ZNF423: variants seen among roughly 807,000 people sequenced by gnomAD.
ZNF423 encodes zinc finger protein 423.
Under a neutral mutation model 95.8 loss-of-function variants are expected in ZNF423, and 12 were observed. The observed-to-expected ratio is 0.13, with a 90% confidence interval of 0.08 to 0.20. ZNF423 has a LOEUF of 0.20. ZNF423 is among the 10% of genes least tolerant of loss of function. ZNF423 has a pLI of 1.00. For synonymous variants in ZNF423, 749 were observed against 711.9 expected (o/e 1.05, Z -0.83); for missense variants, 1,316 against 1,737.1 (o/e 0.76, Z 4.31).
chr16:49,842,291 G>A (rs1485431872), intron 1 of ZNF423, among the ~76,000 whole-genome samples: 3 of 54,600 alleles, frequency 5.5e-5, no homozygotes, highest in African/African-American at 2.2e-4. Flanking sequence ...GGGGAGGGGA[G>A]GGGAGGGGAG....
In ZNF423 at chr16:49,697,839, G is replaced by A. The variant is rs191827086; in HGVS notation, c.301+32932C>T. ...GTGCGGGCAGGCGGCATGAGCCCGCGGTGATGCGAATCAGCCTTAACCAGC... is the reference window on the plus strand; with the variant it reads ...GTGCGGGCAGGCGGCATGAGCCCGCAGTGATGCGAATCAGCCTTAACCAGC... On this transcript the variant is annotated intron_variant, in intron 3 of 7. Coordinates refer to ENST00000563137, the MANE Select transcript of ZNF423 (RefSeq NM_001379286.1). Among the ~76,000 whole-genome samples, 43 of 152,394 alleles carry A rather than the reference G, an allele frequency of 2.8e-4. 1 individual carries two copies. The East Asian group carries it at 7.5e-3, about 27-fold the overall frequency.
chr16:49,783,492 T>A (rs573233946), intron 2 of ZNF423, among the ~76,000 whole-genome samples: 49 of 118,538 alleles, frequency 4.1e-4, no homozygotes, highest in Non-Finnish European at 6.9e-4. Flanking sequence ...GGGTTAGGGT[T>A]AGTAGCAGGC....
Position 49,555,730 on chromosome 16 carries a change from G to A in ZNF423, c.3602-30236C>T, listed in dbSNP as rs140677014. Among the ~76,000 whole-genome samples, 302 of 152,266 alleles carry A rather than the reference G, an allele frequency of 2.0e-3. 1 individual carries two copies. Among genetic ancestry groups the A allele is most frequent in the African/African-American group, 6.7e-3 (277 of 41,560 alleles). On this transcript the variant is annotated intron_variant, in intron 5 of 7. Coordinates refer to ENST00000563137, the MANE Select transcript of ZNF423 (RefSeq NM_001379286.1). ...TAGATGGAAGAATGAATGAGTGGGC[G>A]GATGGAAGGATAAGTGTATGGGTGA...
chr16:49,633,684 G>T (rs1190866352), intron 4 of ZNF423, among the ~76,000 whole-genome samples: 3 of 152,120 alleles, frequency 2.0e-5, no homozygotes, highest in African/African-American at 7.2e-5. Context: ...CCCTAGAAAG[G>T]CTGAGGGGGA....
At chr16:49,624,485 G>A (rs1159252879) in intron 5 of ZNF423, among the ~76,000 whole-genome samples, 1 of 152,108 alleles carries the variant, frequency 6.6e-6, no homozygotes, top group Non-Finnish European at 1.5e-5. Flanking sequence ...CCTGCGAGGC[G>A]GAGGTTGCAG....
rs201361462 is a variant in ZNF423 at position 49,590,029 on chromosome 16, A to AATATATATATATATATAT, written c.3601+36123_3601+36140dup. Among the ~76,000 whole-genome samples the AATATATATATATATATAT allele has an allele frequency of 1.3e-3, 122 of 97,576 alleles. 10 individuals carry two copies. Among genetic ancestry groups the AATATATATATATATATAT allele is most frequent in the South Asian group, 5.4e-3 (10 of 1,844 alleles). The allele number at this position is 97,576 out of a possible 152,430, so 64.0% of individuals were successfully genotyped here. On this transcript the variant is annotated intron_variant, in intron 5 of 7. Coordinates refer to ENST00000563137, the MANE Select transcript of ZNF423 (RefSeq NM_001379286.1). The stretch of plus-strand genomic sequence containing the variant: ...GGGATGGGGTAAAGGGGAAGTGGCG[A>AATATATATATATATATAT]ATATATATATATATATATATATTTG...
intron 2 of ZNF423, among the ~76,000 whole-genome samples, chr16:49,778,534 C>T (rs2034158947): frequency 8.5e-6 from 1 of 117,640 alleles, no homozygotes; most frequent in Non-Finnish European, 1.8e-5. Context: ...CTCCCACCAA[C>T]CCCCACCCCA....
intron 4 of ZNF423, among the ~76,000 whole-genome samples, chr16:49,630,601 C>T (rs538945921): frequency 3.9e-5 from 6 of 152,128 alleles, no homozygotes; most frequent in African/African-American, 9.6e-5. Flanking sequence ...CCAAGGATGG[C>T]GATTTGCTTG....
chr16:49,738,519 G>T (rs1037170709), intron 2 of ZNF423, among the ~76,000 whole-genome samples: 2 of 152,116 alleles, frequency 1.3e-5, no homozygotes, highest in Non-Finnish European at 2.9e-5. Context: ...TGGGGAGGCG[G>T]GGCTCACCTG....
chr16:49,718,304 G>A (rs182186686), intron 3 of ZNF423, among the ~76,000 whole-genome samples: 2 of 152,240 alleles, frequency 1.3e-5, no homozygotes, highest in Admixed American at 6.5e-5. Context: ...TACTCAGGAG[G>A]CTGAGGCAGG....
chr16:49,739,082 C>T (rs2033356176), intron 2 of ZNF423, among the ~76,000 whole-genome samples: 1 of 152,148 alleles, frequency 6.6e-6, no homozygotes, highest in African/African-American at 2.4e-5. Flanking sequence ...TGAAGCCAGC[C>T]TGTCTGGGTT....
intron 1 of ZNF423, among the ~76,000 whole-genome samples, chr16:49,821,520 C>T (rs1333145461): frequency 4.6e-5 from 7 of 152,002 alleles, no homozygotes; most frequent in Admixed American, 1.3e-4. Context: ...CACCTGGGCT[C>T]GAGGCGTGGT....
chr16:49,524,187 T>C (rs1018793970), intron 6 of ZNF423, among the ~76,000 whole-genome samples: 2 of 152,156 alleles, frequency 1.3e-5, no homozygotes, highest in African/African-American at 4.8e-5. Flanking sequence ...ATTATCCCCA[T>C]TTTATACAAG....
At chr16:49,804,336 T>C (rs1263128881) in intron 1 of ZNF423, among the ~76,000 whole-genome samples, 1 of 152,220 alleles carries the variant, frequency 6.6e-6, no homozygotes, top group Non-Finnish European at 1.5e-5. Flanking sequence ...GACAAAATCT[T>C]AAAAGTCCAT....
chr16:49,844,893 C>T (rs1426052774), intron 1 of ZNF423, among the ~76,000 whole-genome samples: 1 of 151,806 alleles, frequency 6.6e-6, no homozygotes, highest in African/African-American at 2.4e-5. Context: ...AAATTAGCCA[C>T]GTGTGGTGGC....
intron 3 of ZNF423, among the ~76,000 whole-genome samples, chr16:49,715,429 G>A (rs1243743964): frequency 1.3e-5 from 2 of 152,190 alleles, no homozygotes; most frequent in South Asian, 4.1e-4. Context: ...GAATGAGCAC[G>A]GCCTGTTGAC....
intron 2 of ZNF423, chr16:49,731,179 C>T (rs1567316569): frequency 5.7e-6 from 3 of 523,058 alleles, no homozygotes; most frequent in Non-Finnish European, 7.4e-6. Context: ...ATTCTTGGTG[C>T]AAATCTTCTA....
At chr16:49,686,753 C>A (rs1353507373) in intron 3 of ZNF423, among the ~76,000 whole-genome samples, 1 of 30,368 alleles carries the variant, frequency 3.3e-5, no homozygotes, top group African/African-American at 7.0e-5. Flanking sequence ...AAGTGACTGG[C>A]TTCTCTTGGA....
chr16:49,850,145 G>A (rs12232376), intron 1 of ZNF423, among the ~76,000 whole-genome samples: 46,196 of 152,016 alleles, frequency 0.3, 7,205 homozygotes, highest in East Asian at 0.56. Context: ...AACCCCAATC[G>A]TTGGCTGCCA....
Sources: gnomAD v4.1 joint callset for allele counts (sites outside exome capture counted in the v4.1 genomes callset) on GRCh38, gnomAD v4.1.1 for gene constraint, MANE v1.5 for transcripts, NCBI Gene and HGNC (gene_info 2026-07-23, HGNC 2026-07-21) for gene names.